Variants in B3GAT2 observed in about 807,000 individuals in gnomAD.
The protein encoded by B3GAT2 is beta-1,3-glucuronyltransferase 2.
In B3GAT2, 26 loss-of-function variants were observed where a neutral mutation model predicts 27.8. The observed-to-expected ratio is 0.93, with a 90% CI of 0.68 to 1.30. B3GAT2 has a LOEUF of 1.30. Ranked by LOEUF, B3GAT2 falls within the 50% of genes most tolerant of loss-of-function variation. The pLI is 0.00. For missense variants in B3GAT2, 458 were observed against 459.0 expected (o/e 1.00, Z 0.02); for synonymous variants, 218 against 195.1 (o/e 1.12, Z -0.98).
intron 2 of B3GAT2, among the ~76,000 whole-genome samples, chr6:70,875,513 CAT>C (rs1772001502): frequency 6.6e-6 from 1 of 152,196 alleles, no homozygotes. Context: ...ACTGAATGCT[CAT>C]ATGTCATGAA....
intron 2 of B3GAT2, among the ~76,000 whole-genome samples, chr6:70,888,505 C>G (rs9784868): frequency 0.033 from 5,074 of 152,172 alleles, 143 homozygotes; most frequent in African/African-American, 0.074. Context: ...TCCCCAATAG[C>G]TGTGGTATTT....
At chr6:70,884,479 A>T (rs1285988286) in intron 2 of B3GAT2, among the ~76,000 whole-genome samples, 1 of 152,240 alleles carries the variant, frequency 6.6e-6, no homozygotes, top group Non-Finnish European at 1.5e-5. Context: ...AGATGCAGGC[A>T]GACCCGAGCG....
rs1445201624 is a variant in B3GAT2 at position 70,948,574 on chromosome 6, A to G, written c.591+7265T>C. On this transcript the variant is annotated intron_variant, in intron 1 of 3. Coordinates refer to ENST00000230053, the MANE Select transcript of B3GAT2 (RefSeq NM_080742.3). Reference sequence around the variant, plus strand: ...GAACTACAAACCACTGCTCAATGAAATAAAAGAGGATACAAACAAATGGAA... The same window carrying G: ...GAACTACAAACCACTGCTCAATGAAGTAAAAGAGGATACAAACAAATGGAA... Among the ~76,000 whole-genome samples, 393 of 150,686 alleles carry G rather than the reference A, an allele frequency of 2.6e-3. 4 individuals carry two copies. The highest frequency in any genetic ancestry group is 9.3e-3 in the African/African-American group (380 of 40,928).
At chr6:70,912,808 T>G (rs1772709401) in intron 1 of B3GAT2, among the ~76,000 whole-genome samples, 1 of 152,182 alleles carries the variant, frequency 6.6e-6, no homozygotes, top group Admixed American at 6.5e-5. Context: ...TCCAGGGCTT[T>G]TTTGGTTGGT....
chr6:70,941,633 G>T (rs1029563772), intron 1 of B3GAT2, among the ~76,000 whole-genome samples: 1 of 152,184 alleles, frequency 6.6e-6, no homozygotes, highest in Non-Finnish European at 1.5e-5. Context: ...TAGGGACCAC[G>T]TTTATCTTCC....
In B3GAT2 at chr6:70,934,822, AT is replaced by A. The variant is rs552165546; in HGVS notation, c.591+21016del. On this transcript the variant is annotated intron_variant, in intron 1 of 3. Coordinates refer to ENST00000230053, the MANE Select transcript of B3GAT2 (RefSeq NM_080742.3). ...TCTGTAATATTTGTCAATACAGAAT[AT>A]ATAATCAACAACAAAATGCTCCATC... is the stretch of plus-strand genomic sequence containing the variant. Among the ~76,000 whole-genome samples the A allele has an allele frequency of 2.4e-4, 37 of 152,358 alleles. 1 individual carries two copies. In the South Asian group the frequency reaches 7.5e-3, roughly 31 times the overall value.
intron 1 of B3GAT2, among the ~76,000 whole-genome samples, chr6:70,922,618 T>A (rs536772393): frequency 6.6e-6 from 1 of 152,022 alleles, no homozygotes; most frequent in East Asian, 1.9e-4. Flanking sequence ...AATTAGAAAA[T>A]ATTCTGAATA....
Position 70,856,970 on chromosome 6 carries a change from TC to T in B3GAT2, c.*4692del. The stretch of plus-strand genomic sequence containing the variant: ...AGAAGAAGTGGCAAAGAAACAACTT[TC>T]CAAAGACTCCATCTTATCTCTGTAT... On this transcript the variant is annotated 3_prime_UTR_variant, in exon 4 of 4. Coordinates refer to ENST00000230053, the MANE Select transcript of B3GAT2 (RefSeq NM_080742.3). 1 of 1,614,004 alleles carries T rather than the reference TC, an allele frequency of 6.2e-7. No homozygotes were observed. Among genetic ancestry groups the T allele is most frequent in the Non-Finnish European group, 8.5e-7 (1 of 1,179,894 alleles).
At chr6:70,952,476 C>T (rs1765592554) in intron 1 of B3GAT2, among the ~76,000 whole-genome samples, 1 of 151,908 alleles carries the variant, frequency 6.6e-6, no homozygotes, top group Non-Finnish European at 1.5e-5. Context: ...GAAATCTGAT[C>T]AATAGTGTTA....
At chr6:70,870,360 G>T (rs1188697170) in intron 2 of B3GAT2, among the ~76,000 whole-genome samples, 1 of 135,634 alleles carries the variant, frequency 7.4e-6, no homozygotes, top group Non-Finnish European at 1.5e-5. Flanking sequence ...ATGGACACAG[G>T]AAGGGGAACA....
intron 1 of B3GAT2, among the ~76,000 whole-genome samples, chr6:70,950,716 G>A (rs1009747633): frequency 2.6e-5 from 4 of 152,120 alleles, no homozygotes; most frequent in Non-Finnish European, 4.4e-5. Flanking sequence ...AAGGGACTGC[G>A]TCCATAACTA....
intron 1 of B3GAT2, among the ~76,000 whole-genome samples, chr6:70,924,062 A>C (rs558719457): frequency 1.8e-4 from 27 of 152,292 alleles, no homozygotes; most frequent in Admixed American, 1.6e-3. Context: ...GGATACCATA[A>C]AAGTCCTGAC....
Position 70,956,072 on chromosome 6 carries a change from C to T in B3GAT2, c.358G>A (p.Ala120Thr). The T allele has an allele frequency of 6.3e-7, 1 of 1,591,852 alleles. No homozygotes were observed. The highest frequency in any genetic ancestry group is 8.5e-7 in the Non-Finnish European group (1 of 1,173,086). Residue 120 changes from alanine (A) to threonine (T), a missense_variant, in exon 1 of 4, where the codon GCG becomes ACG. Coordinates refer to ENST00000230053, the MANE Select transcript of B3GAT2 (RefSeq NM_080742.3). ...QLHWILVEDA[A>T]ARSELVSRFL... ...CGGCTCACCAGCTCGCTGCGCGCCG[C>T]CGCGTCCTCCACCAGGATCCAGTGC...
rs529213523 is a variant in B3GAT2 at position 70,916,035 on chromosome 6, T to C, written c.592-21763A>G. On this transcript the variant is annotated intron_variant, in intron 1 of 3. Transcript: ENST00000230053. ...TAGTGATTCTCCCTATCCATGAGCA[T>C]GGAATGTTCTTCCATTTGTTTGTAT... 4.6e-5 allele frequency among the ~76,000 whole-genome samples: 7 copies of C among 152,332 alleles called. No homozygotes were observed. In the East Asian group the frequency reaches 1.3e-3, roughly 29 times the overall value.
chr6:70,899,041 T>C (rs572942199), intron 1 of B3GAT2, among the ~76,000 whole-genome samples: 42 of 151,990 alleles, frequency 2.8e-4, no homozygotes, highest in African/African-American at 9.6e-4. Flanking sequence ...TGGGCCCACA[T>C]GTAACAAGAA....
intron 1 of B3GAT2, among the ~76,000 whole-genome samples, chr6:70,912,932 T>G (rs1772710942): frequency 6.6e-6 from 1 of 152,166 alleles, no homozygotes; most frequent in Non-Finnish European, 1.5e-5. Context: ...TATCGTTTCT[T>G]GTAGGTTTTT....
At chr6:70,930,543 G>C (rs1334983097) in intron 1 of B3GAT2, among the ~76,000 whole-genome samples, 1 of 152,188 alleles carries the variant, frequency 6.6e-6, no homozygotes, top group Non-Finnish European at 1.5e-5. Flanking sequence ...GATATGAACA[G>C]ACACTTCTCA....
chr6:70,894,188 T>A lies in B3GAT2; in HGVS notation c.676A>T (p.Lys226Ter), dbSNP rs765905195. The A allele has an allele frequency of 6.2e-7, 1 of 1,613,750 alleles. No individual in the cohort carries two copies. Among genetic ancestry groups the A allele is most frequent in the Admixed American group, 1.7e-5 (1 of 60,018 alleles). ...RYERPLVENG[K>*]VVGWYTGWRA... Reference sequence around the variant, plus strand: ...CAGCCGGTGTACCAGCCAACAACTTTGCCGTTTTCCACCAGCGGACGTTCG... The same window carrying A: ...CAGCCGGTGTACCAGCCAACAACTTAGCCGTTTTCCACCAGCGGACGTTCG... Residue 226 changes from lysine (K) to a stop codon, truncating the protein, a stop_gained, in exon 2 of 4, where the codon AAA (lysine) becomes TAA (stop). Transcript: ENST00000230053. LOFTEE classifies it high-confidence loss of function.
At chr6:70,882,161 C>A (rs1337008858) in intron 2 of B3GAT2, among the ~76,000 whole-genome samples, 1 of 152,162 alleles carries the variant, frequency 6.6e-6, no homozygotes, top group East Asian at 1.9e-4. Context: ...AGATTGGATT[C>A]AGCAGTGACT....
Sources: gnomAD v4.1 joint callset for allele counts (sites outside exome capture counted in the v4.1 genomes callset) on GRCh38, gnomAD v4.1.1 for gene constraint, MANE v1.5 for transcripts, NCBI Gene and HGNC (gene_info 2026-07-23, HGNC 2026-07-21) for gene names.